The following EYA2 variants were observed in gnomAD, a reference collection of about 807,000 sequenced individuals.
EYA2 encodes EYA transcriptional coactivator and phosphatase 2, also known as protein phosphatase EYA2.
Under a neutral mutation model 69.2 loss-of-function variants are expected in EYA2, and 31 were observed. The ratio of observed to expected loss-of-function variants is 0.45; its 90% CI spans 0.34 to 0.60. The LOEUF (loss-of-function observed/expected upper bound fraction) is 0.60. Ranked by LOEUF, EYA2 falls within the 20% of genes least tolerant of loss-of-function variation. The pLI, the probability that EYA2 is intolerant of heterozygous loss-of-function variation, is 0.02. For missense variants in EYA2, 622 were observed against 701.2 expected (o/e 0.89, Z 1.28); for synonymous variants, 257 against 279.4 (o/e 0.92, Z 0.80).
At chr20:47,063,786 C>T (rs750272944) in intron 5 of EYA2, among the ~76,000 whole-genome samples, 15 of 152,186 alleles carry the variant, frequency 9.9e-5, no homozygotes, top group Non-Finnish European at 1.6e-4. Context: ...ATTTAAACCC[C>T]GGAAAACTCT....
chr20:47,183,444 G>T (rs1600780571), intron 15 of EYA2, 53 bp downstream of exon 15: 2 of 1,551,196 alleles, frequency 1.3e-6, no homozygotes, highest in East Asian at 2.3e-5. Flanking sequence ...AGCACCCCTC[G>T]TGGTCTTCAA....
intron 5 of EYA2, among the ~76,000 whole-genome samples, chr20:47,026,772 C>T (rs545273743): frequency 2.8e-4 from 43 of 152,296 alleles, no homozygotes; most frequent in African/African-American, 9.4e-4. Context: ...CCCACCAACG[C>T]TGGGGATAGT....
chr20:46,902,009 CT>C (rs1984139687), intron 1 of EYA2, among the ~76,000 whole-genome samples: 1 of 152,148 alleles, frequency 6.6e-6, no homozygotes, highest in Admixed American at 6.5e-5. Context: ...GAAAGAATGC[CT>C]TAAACTCAGC....
intron 1 of EYA2, among the ~76,000 whole-genome samples, chr20:46,956,936 T>A (rs987714056): frequency 6.6e-6 from 1 of 152,222 alleles, no homozygotes; most frequent in Non-Finnish European, 1.5e-5. Flanking sequence ...CTTGTGAGAC[T>A]TATTCACTAT....
At chr20:46,914,387 G>A (rs1038055960) in intron 1 of EYA2, among the ~76,000 whole-genome samples, 10 of 152,178 alleles carry the variant, frequency 6.6e-5, no homozygotes, top group African/African-American at 2.4e-4. Flanking sequence ...GAGTGGGTGT[G>A]TATTACTCCA....
intron 2 of EYA2, 84 bp from the exon 3 acceptor site, chr20:47,001,344 C>A: frequency 8.2e-7 from 1 of 1,217,788 alleles, no homozygotes. Context: ...TCTGCTCCTG[C>A]TTAAGTGGTG....
chr20:47,052,440 G>T (rs778151595), intron 5 of EYA2, among the ~76,000 whole-genome samples: 5 of 152,168 alleles, frequency 3.3e-5, no homozygotes, highest in Non-Finnish European at 7.4e-5. Context: ...GCCTCATCCA[G>T]AACCTTCAGA....
chr20:47,130,389 C>CGA (rs1431782887), intron 9 of EYA2, among the ~76,000 whole-genome samples: 2 of 147,950 alleles, frequency 1.4e-5, no homozygotes, highest in East Asian at 4.2e-4. Context: ...CTCAGCCTCC[C>CGA]GAGTAGCTGG....
chr20:47,020,589 A>G (rs1983691866), intron 5 of EYA2, among the ~76,000 whole-genome samples: 1 of 152,072 alleles, frequency 6.6e-6, no homozygotes, highest in South Asian at 2.1e-4. Flanking sequence ...ACAAAGATTA[A>G]AAAGAGGGGG....
chr20:47,044,307 C>G (rs1193375010), intron 5 of EYA2, among the ~76,000 whole-genome samples: 1 of 146,062 alleles, frequency 6.8e-6, no homozygotes, highest in Non-Finnish European at 1.5e-5. Context: ...CCTTCTTAGA[C>G]TTACTCATTC....
chr20:46,925,733 A>G (rs1423020992), intron 1 of EYA2, among the ~76,000 whole-genome samples: 1 of 152,192 alleles, frequency 6.6e-6, no homozygotes, highest in Admixed American at 6.5e-5. Flanking sequence ...GTGTGTCACT[A>G]CGGTCCTTTT....
At chr20:46,960,682 C>T (rs1311119063) in intron 1 of EYA2, among the ~76,000 whole-genome samples, 1 of 152,174 alleles carries the variant, frequency 6.6e-6, no homozygotes, top group African/African-American at 2.4e-5. Flanking sequence ...ACACAGTCAT[C>T]CCATTCATTT....
chr20:47,179,275 T>TGG (rs2034484901), intron 12 of EYA2, among the ~76,000 whole-genome samples: 1 of 118,522 alleles, frequency 8.4e-6, no homozygotes, highest in African/African-American at 3.3e-5. Context: ...GGTGGATGGG[T>TGG]GTGTGGGTGG....
rs377013878 is a variant in EYA2 at position 47,172,743 on chromosome 20, G to A, written c.1074G>A (p.Ser358=). The A allele has an allele frequency of 7.4e-6, 12 of 1,613,884 alleles. No homozygotes were observed. Among genetic ancestry groups the A allele is most frequent in the East Asian group, 2.2e-5 (1 of 44,870 alleles). The part of the protein sequence containing the change: ...YNFSADGFHS[S]APGANLCLGS... ...TCTCCGCTGACGGCTTCCACAGTTC[G>A]GCCCCAGGAGCCAACCTGTGCCTGG... The change falls in exon 12 of 16, where the codon TCG becomes TCA. Residue 358 remains serine (S), a synonymous_variant. Coordinates refer to ENST00000327619, the MANE Select transcript of EYA2 (RefSeq NM_005244.5).
chr20:47,005,597 G>T (rs754970288), intron 4 of EYA2, among the ~76,000 whole-genome samples: 2 of 152,268 alleles, frequency 1.3e-5, no homozygotes, highest in Non-Finnish European at 2.9e-5. Context: ...GGGCCATGTG[G>T]CAATGCTTAT....
At chr20:47,100,162 T>G (rs1207725061) in intron 9 of EYA2, among the ~76,000 whole-genome samples, 1 of 152,238 alleles carries the variant, frequency 6.6e-6, no homozygotes, top group Non-Finnish European at 1.5e-5. Context: ...AATTTTTAAC[T>G]GGTGGCCGCT....
rs11472542 is a variant in EYA2 at position 47,154,819 on chromosome 20, T to TTGTGTGTGTGTGTG, written c.978+11699_978+11712dup. Among the ~76,000 whole-genome samples, 562 of 140,870 alleles carry TTGTGTGTGTGTGTG rather than the reference T, an allele frequency of 4.0e-3. 3 individuals are homozygous for TTGTGTGTGTGTGTG. The highest frequency in any genetic ancestry group is 9.3e-3 in the South Asian group (37 of 3,984). The allele number at this position is 140,870 out of a possible 152,430, so 92.4% of individuals were successfully genotyped here. On this transcript the variant is annotated intron_variant, in intron 10 of 15. Transcript: ENST00000327619. ...TGATTTTGTTTTTGTTTATTTTGTT[T>TTGTGTGTGTGTGTG]TGTGTGTGTGTGTGTGTGTGTGTGT...
intron 1 of EYA2, among the ~76,000 whole-genome samples, chr20:46,913,171 G>A (rs1033473612): frequency 1.3e-5 from 2 of 152,320 alleles, no homozygotes; most frequent in South Asian, 2.1e-4. Context: ...CAACATTCAT[G>A]CACATTTAAC....
intron 1 of EYA2, among the ~76,000 whole-genome samples, chr20:46,937,818 C>CTCAT (rs1198207942): frequency 2.6e-5 from 4 of 152,154 alleles, no homozygotes; most frequent in Non-Finnish European, 4.4e-5. Flanking sequence ...AGAAAATCAA[C>CTCAT]TCATTCATTC....
Sources: gnomAD v4.1 joint callset for allele counts (sites outside exome capture counted in the v4.1 genomes callset) on GRCh38, gnomAD v4.1.1 for gene constraint, MANE v1.5 for transcripts, NCBI Gene and HGNC (gene_info 2026-07-23, HGNC 2026-07-21) for gene names.